ZC3H12B: variants seen among roughly 807,000 people sequenced by gnomAD.
ZC3H12B encodes the protein probable ribonuclease ZC3H12B.
A neutral mutation model predicts 43.9 loss-of-function variants in ZC3H12B; 7 were observed. The observed-to-expected ratio is 0.16, with a 90% confidence interval of 0.09 to 0.30. The LOEUF (loss-of-function observed/expected upper bound fraction) is 0.30, where lower values mean the gene tolerates loss of function less well. ZC3H12B is among the 10% of genes least tolerant of loss of function. The pLI, the probability that ZC3H12B is intolerant of heterozygous loss-of-function variation, is 1.00. For synonymous variants in ZC3H12B, 222 were observed against 241.7 expected (o/e 0.92, Z 0.76); for missense variants, 475 against 670.2 (o/e 0.71, Z 3.22).
At chrX:65,436,167 C>T (rs2067219669) in intron 3 of ZC3H12B, among the ~76,000 whole-genome samples, 4 of 111,253 alleles carry the variant, frequency 3.6e-5, no homozygotes, top group Admixed American at 1.9e-4. Flanking sequence ...GGAAGTACCA[C>T]ACAGTTTTCA....
chrX:65,416,673 C>T (rs2066965384), intron 3 of ZC3H12B, among the ~76,000 whole-genome samples: 1 of 108,252 alleles, frequency 9.2e-6, no homozygotes, highest in Admixed American at 9.8e-5. Flanking sequence ...GCCTGTAGTT[C>T]CAGCTACTCG....
At chrX:65,286,829 G>A in the ZC3H12B span, among the ~76,000 whole-genome samples, 1 of 110,450 alleles carries the variant, frequency 9.1e-6, no homozygotes, top group South Asian at 3.8e-4. Context: ...ACATGTGAAA[G>A]TAAAGGGATG....
chrX:65,476,533 G>A (rs1045725101), intron 3 of ZC3H12B, among the ~76,000 whole-genome samples: 1 of 111,690 alleles, frequency 9.0e-6, no homozygotes, highest in South Asian at 3.7e-4. Context: ...CTACTTTTAT[G>A]GGTTTATTTA....
At chrX:65,258,369 C>T in the ZC3H12B span, among the ~76,000 whole-genome samples, 2 of 111,701 alleles carry the variant, frequency 1.8e-5, no homozygotes, top group Non-Finnish European at 1.9e-5. Context: ...ATTCAACATT[C>T]CTTCATGTTG....
chrX:65,469,486 A>T lies in ZC3H12B; in HGVS notation n.408-19160A>T. ...TTCGAGCTCACTGGCTGCCACAAAAACAAATTGGTAAAGCTGGAGGATGTA... is the reference window on the plus strand; with the variant it reads ...TTCGAGCTCACTGGCTGCCACAAAATCAAATTGGTAAAGCTGGAGGATGTA... On this transcript the variant is annotated intron_variant and non_coding_transcript_variant, in intron 3 of 5. Coordinates refer to the ZC3H12B transcript ENST00000617377. The T allele has an allele frequency of 7.9e-6, 3 of 379,638 alleles. No homozygotes were observed. In the South Asian group the frequency reaches 1.4e-4, roughly 17 times the overall value. The allele number at this position is 379,638 out of a possible 1,213,427, so 31.3% of individuals were successfully genotyped here.
chrX:65,308,303 CAAG>C, the ZC3H12B span, among the ~76,000 whole-genome samples: 1 of 110,120 alleles, frequency 9.1e-6, no homozygotes, highest in Non-Finnish European at 1.9e-5. Context: ...GAAGATCTAC[CAAG>C]CAGATGGAAA....
the ZC3H12B span, among the ~76,000 whole-genome samples, chrX:65,118,024 A>C: frequency 1.8e-5 from 2 of 111,907 alleles, no homozygotes; most frequent in African/African-American, 6.5e-5. Context: ...CTTTTAGCTT[A>C]GGATTGTCTT....
At chrX:65,207,633 T>A in the ZC3H12B span, among the ~76,000 whole-genome samples, 1 of 107,476 alleles carries the variant, frequency 9.3e-6, no homozygotes, top group Non-Finnish European at 1.9e-5. Context: ...TTTGTTCTTT[T>A]GGCTTAGGAT....
At chrX:65,103,424 T>A in the ZC3H12B span, among the ~76,000 whole-genome samples, 1 of 111,972 alleles carries the variant, frequency 8.9e-6, no homozygotes, top group African/African-American at 3.2e-5. Flanking sequence ...GATTTCATAT[T>A]GTTTAAACAC....
the ZC3H12B span, among the ~76,000 whole-genome samples, chrX:65,088,032 G>A: frequency 8.9e-6 from 1 of 111,764 alleles, no homozygotes; most frequent in African/African-American, 3.3e-5. Context: ...TGGCTATTAT[G>A]GGTAATGTTT....
At chrX:65,315,259 T>G in the ZC3H12B span, among the ~76,000 whole-genome samples, 1 of 111,736 alleles carries the variant, frequency 8.9e-6, no homozygotes, top group Non-Finnish European at 1.9e-5. Flanking sequence ...AAATAACTGA[T>G]TTTTCTAAAT....
chrX:65,054,396 T>A, the ZC3H12B span, among the ~76,000 whole-genome samples: 31 of 111,545 alleles, frequency 2.8e-4, no homozygotes, highest in Non-Finnish European at 4.7e-4. Context: ...TTTTGTCAGG[T>A]TTGTCAAAGA....
upstream of ZC3H12B, among the ~76,000 whole-genome samples, chrX:65,483,865 T>C (rs2068093015): frequency 8.9e-6 from 1 of 111,965 alleles, no homozygotes; most frequent in African/African-American, 3.2e-5. Flanking sequence ...TGGTTTTCTG[T>C]TCCTATGTTA....
the ZC3H12B span, among the ~76,000 whole-genome samples, chrX:65,183,352 A>G: frequency 8.9e-6 from 1 of 111,763 alleles, no homozygotes; most frequent in Non-Finnish European, 1.9e-5. Context: ...CTTACATGTG[A>G]AAACTAAACA....
chrX:65,368,756 G>T (rs1312317667), intron 1 of ZC3H12B, 73 bp from the exon 4 acceptor site: 1 of 112,093 alleles, frequency 8.9e-6, no homozygotes, highest in Non-Finnish European at 1.9e-5. Flanking sequence ...TGGGTAAAAG[G>T]TGTTTCAGTG....
the ZC3H12B span, among the ~76,000 whole-genome samples, chrX:65,354,182 C>A: frequency 8.9e-6 from 1 of 112,086 alleles, no homozygotes; most frequent in Non-Finnish European, 1.9e-5. Context: ...GAGACACCTC[C>A]CAGCAGGGGT....
chrX:65,169,374 T>G, the ZC3H12B span, among the ~76,000 whole-genome samples: 1 of 112,194 alleles, frequency 8.9e-6, no homozygotes, highest in Non-Finnish European at 1.9e-5. Context: ...TGAGTTCTAG[T>G]TTGATTGCAC....
chrX:65,044,960 T>C, the ZC3H12B span, among the ~76,000 whole-genome samples: 1 of 106,476 alleles, frequency 9.4e-6, no homozygotes, highest in Admixed American at 1.0e-4. Context: ...CAAGACCTCA[T>C]CCCTACTTAA....
At chrX:65,204,341 A>T in the ZC3H12B span, among the ~76,000 whole-genome samples, 1 of 111,757 alleles carries the variant, frequency 8.9e-6, no homozygotes, top group Non-Finnish European at 1.9e-5. Context: ...GAATTATTCT[A>T]TTCTTAAATG....
Sources: gnomAD v4.1 joint callset for allele counts (sites outside exome capture counted in the v4.1 genomes callset) on GRCh38, gnomAD v4.1.1 for gene constraint, MANE v1.5 for transcripts, NCBI Gene and HGNC (gene_info 2026-07-23, HGNC 2026-07-21) for gene names.